The following ZNF521 variants were observed in gnomAD, a reference collection of about 807,000 sequenced individuals.
ZNF521 encodes the protein LYST-interacting protein 3.
In ZNF521, 14 loss-of-function variants were observed where a neutral mutation model predicts 105.5. That is an observed-to-expected ratio of 0.13 (90% CI 0.09 to 0.21). The LOEUF (loss-of-function observed/expected upper bound fraction) is 0.21. Ranked by LOEUF, ZNF521 falls within the 10% of genes least tolerant of loss-of-function variation. ZNF521 has a pLI of 1.00. For missense variants in ZNF521, 1,233 were observed against 1,629.7 expected (o/e 0.76, Z 4.19); for synonymous variants, 635 against 606.0 (o/e 1.05, Z -0.70).
At chr18:25,264,647 A>G (rs965302903) in intron 3 of ZNF521, among the ~76,000 whole-genome samples, 2 of 152,106 alleles carry the variant, frequency 1.3e-5, no homozygotes, top group Non-Finnish European at 2.9e-5. Flanking sequence ...TTTATTCAAA[A>G]CCAAATTTTA....
At chr18:25,298,936 T>C (rs144331515) in intron 3 of ZNF521, among the ~76,000 whole-genome samples, 72 of 152,256 alleles carry the variant, frequency 4.7e-4, no homozygotes, top group Middle Eastern at 3.4e-3. Flanking sequence ...CAATGCAGCG[T>C]TGGCTCCTTG....
rs1906019868 is a variant in ZNF521, at chr18:25,225,110, A to G, written c.2808T>C (p.Ser936=). ...IKGNYKCNVC[S]RTFFSENGLR... is the part of the protein sequence containing the mutation. The stretch of plus-strand genomic sequence containing the variant: ...GGCCATTTTCGGAGAAGAAGGTTCG[A>G]GAGCACACGTTGCACTTGTAATTCC... Residue 936 remains serine, a synonymous_variant, in exon 4 of 8, where the codon TCT becomes TCC. Transcript: ENST00000361524. This position sits in a 1 kb window ranked among gnomAD's most constrained non-coding sequence, Gnocchi z 5.6. 6.2e-7 allele frequency: 1 copy of G among 1,614,146 alleles called. No individual in the cohort carries two copies. The highest frequency in any genetic ancestry group is 8.5e-7 in the Non-Finnish European group (1 of 1,180,020).
chr18:25,235,846 CT>C (rs1419560379), intron 3 of ZNF521, among the ~76,000 whole-genome samples: 2 of 152,182 alleles, frequency 1.3e-5, no homozygotes, highest in African/African-American at 4.8e-5. Flanking sequence ...TTAGCACCCC[CT>C]GTGGGTTCAT....
chr18:25,213,923 ATTATT>A (rs1487458092), intron 4 of ZNF521, among the ~76,000 whole-genome samples: 3 of 152,096 alleles, frequency 2.0e-5, no homozygotes, highest in African/African-American at 7.2e-5. Flanking sequence ...TACTCATAGT[ATTATT>A]TTTTCTTCTT....
intron 5 of ZNF521, among the ~76,000 whole-genome samples, chr18:25,101,444 T>A (rs979418106): frequency 1.3e-5 from 2 of 152,142 alleles, no homozygotes; most frequent in African/African-American, 4.8e-5. Context: ...GATGACCCCT[T>A]TCACAGAAAG....
At chr18:25,351,626 A>G (rs1264286460) in intron 1 of ZNF521, 1 of 152,422 alleles carries the variant, frequency 6.6e-6, no homozygotes, top group African/African-American at 2.4e-5. Flanking sequence ...GGGCCACGAA[A>G]ATAAGCAAAG....
At chr18:25,338,782 T>C (rs768808333) in intron 2 of ZNF521, among the ~76,000 whole-genome samples, 2 of 152,184 alleles carry the variant, frequency 1.3e-5, no homozygotes, top group Non-Finnish European at 2.9e-5. Flanking sequence ...TTTACTAACC[T>C]CCTTGATGTG....
chr18:25,272,086 A>G (rs1234263468), intron 3 of ZNF521, among the ~76,000 whole-genome samples: 1 of 152,226 alleles, frequency 6.6e-6, no homozygotes, highest in Admixed American at 6.5e-5. Flanking sequence ...AACCCCATCA[A>G]AAAGTGGGTG....
chr18:25,083,931 A>ATT (rs56364504), intron 7 of ZNF521, among the ~76,000 whole-genome samples: 2,185 of 57,806 alleles, frequency 0.038, 225 homozygotes, highest in Middle Eastern at 0.081. Flanking sequence ...AACCTGGGTA[A>ATT]TTTTTTTTTT....
chr18:25,073,635 A>G (rs1567949282), intron 7 of ZNF521, among the ~76,000 whole-genome samples: 1 of 152,232 alleles, frequency 6.6e-6, no homozygotes, highest in Non-Finnish European at 1.5e-5. Context: ...TAACCTTTGT[A>G]GGAAGAAGGA....
intron 3 of ZNF521, chr18:25,303,013 G>C (rs1044784108): frequency 6.6e-6 from 1 of 152,160 alleles, no homozygotes; most frequent in Non-Finnish European, 1.5e-5. Flanking sequence ...TTATGGGAAG[G>C]TTGTTTAAAG....
At chr18:25,086,140 C>G (rs1370111918) in intron 7 of ZNF521, among the ~76,000 whole-genome samples, 1 of 152,008 alleles carries the variant, frequency 6.6e-6, no homozygotes, top group Admixed American at 6.6e-5. Context: ...ACTACAGTGG[C>G]TGATAAAATG....
chr18:25,248,299 T>C (rs1339365237), intron 3 of ZNF521, among the ~76,000 whole-genome samples: 3 of 152,210 alleles, frequency 2.0e-5, no homozygotes, highest in Non-Finnish European at 2.9e-5. Flanking sequence ...TACAACGTTA[T>C]ACACCAATGG....
chr18:25,347,807 C>T (rs907625002), intron 2 of ZNF521, among the ~76,000 whole-genome samples: 7 of 152,144 alleles, frequency 4.6e-5, no homozygotes, highest in African/African-American at 1.7e-4. Flanking sequence ...TTTTTATCTG[C>T]CTTAGGTAAA....
chr18:25,183,260 T>TA (rs201733481), intron 5 of ZNF521, among the ~76,000 whole-genome samples: 128 of 151,888 alleles, frequency 8.4e-4, no homozygotes, highest in African/African-American at 2.8e-3. Context: ...CCTACTCAGT[T>TA]AAAAAAAATG....
At chr18:25,124,929 T>C (rs1267183987) in intron 5 of ZNF521, among the ~76,000 whole-genome samples, 1 of 152,160 alleles carries the variant, frequency 6.6e-6, no homozygotes, top group Non-Finnish European at 1.5e-5. Context: ...CTTCAAGTAG[T>C]TTTATATTGC....
chr18:25,257,360 C>A (rs1428104990), intron 3 of ZNF521, among the ~76,000 whole-genome samples: 1 of 152,040 alleles, frequency 6.6e-6, no homozygotes, highest in Non-Finnish European at 1.5e-5. Context: ...AGTAGTGAGA[C>A]CCCTGGACAA....
In ZNF521 at chr18:25,321,398, A is replaced by G. The variant is rs111732290; in HGVS notation, c.220+610T>C. Among the ~76,000 whole-genome samples the G allele has an allele frequency of 3.3e-5, 5 of 152,340 alleles. 1 individual carries two copies. Among genetic ancestry groups the G allele is most frequent in the African/African-American group, 1.2e-4 (5 of 41,586 alleles). On this transcript the variant is annotated intron_variant, in intron 3 of 7. Transcript: ENST00000361524. ...TTCCAAGGAACTGCATAGCAGAATA[A>G]CTTGCCAGCCTTAATGAGTACCTAC...
In ZNF521 at chr18:25,352,012, G is replaced by A. The variant is rs754459055; in HGVS notation, c.-9C>T. On this transcript the variant is annotated 5_prime_UTR_variant, in exon 1 of 8. Transcript: ENST00000361524. ...TCCCTCCTCATCACAAACCTGCAAG[G>A]TCTTGGACTGCGCTGTCGCTCCGGT... The A allele has an allele frequency of 4.3e-6, 2 of 466,452 alleles. No individual in the cohort carries two copies. The highest frequency in any genetic ancestry group is 2.0e-5 in the African/African-American group (1 of 49,858). The allele number at this position is 466,452 out of a possible 1,614,324, so 28.9% of individuals were successfully genotyped here.
Sources: gnomAD v4.1 joint callset for allele counts (sites outside exome capture counted in the v4.1 genomes callset) on GRCh38, gnomAD v4.1.1 for gene constraint, Gnocchi (gnomAD v3.1) non-coding constraint, MANE v1.5 for transcripts, NCBI Gene and HGNC (gene_info 2026-07-23, HGNC 2026-07-21) for gene names.